Variants in ARK2C observed in about 807,000 individuals in gnomAD.
ARK2C encodes E3 ubiquitin-protein ligase ARK2C.
At chr18:46,350,264 C>T in the ARK2C span, among the ~76,000 whole-genome samples, 1 of 152,198 alleles carries the variant, frequency 6.6e-6, no homozygotes, top group Non-Finnish European at 1.5e-5. Context: ...CATGCGTATG[C>T]GTGTGTCCAC....
chr18:46,460,895 C>G, the ARK2C span: 1 of 152,572 alleles, frequency 6.6e-6, no homozygotes, highest in South Asian at 2.1e-4. Context: ...TCACTTGCTA[C>G]ACTTGGCACC....
the ARK2C span, among the ~76,000 whole-genome samples, chr18:46,421,959 C>T: frequency 6.6e-6 from 1 of 152,140 alleles, no homozygotes; most frequent in Non-Finnish European, 1.5e-5. Flanking sequence ...AGGCCCTTGG[C>T]ATACTCCATT....
At chr18:46,358,805 C>T in the ARK2C span, among the ~76,000 whole-genome samples, 7 of 152,330 alleles carry the variant, frequency 4.6e-5, no homozygotes, top group South Asian at 6.2e-4. Flanking sequence ...GAGTGACACA[C>T]GCCTTGGTCA....
At chr18:46,454,843 T>C in the ARK2C span, among the ~76,000 whole-genome samples, 2 of 152,210 alleles carry the variant, frequency 1.3e-5, no homozygotes, top group Non-Finnish European at 2.9e-5. Context: ...AAAGGTGGGC[T>C]GATTTCGCTC....
the ARK2C span, chr18:46,337,059 C>T: frequency 1.0e-6 from 1 of 985,206 alleles, no homozygotes; most frequent in Admixed American, 6.2e-5. Context: ...GCCCCTTTAA[C>T]AGCCGGCTCC....
At chr18:46,377,947 T>C in the ARK2C span, among the ~76,000 whole-genome samples, 1 of 151,720 alleles carries the variant, frequency 6.6e-6, no homozygotes. Flanking sequence ...AAGGCTGCTA[T>C]GGATGGTGGT....
the ARK2C span, chr18:46,458,172 G>C: frequency 4.6e-5 from 7 of 152,552 alleles, no homozygotes; most frequent in African/African-American, 1.7e-4. Context: ...GGGGTGTCGG[G>C]ATGGGGGTGC....
the ARK2C span, among the ~76,000 whole-genome samples, chr18:46,348,822 C>A: frequency 6.6e-6 from 1 of 152,104 alleles, no homozygotes; most frequent in Admixed American, 6.5e-5. Context: ...GTAAGTCCTG[C>A]AACCAAGAGA....
the ARK2C span, among the ~76,000 whole-genome samples, chr18:46,345,214 T>C: frequency 6.6e-6 from 1 of 151,328 alleles, no homozygotes; most frequent in Non-Finnish European, 1.5e-5. Context: ...ACCTGAAGAG[T>C]CCAGCCCTCT....
At chr18:46,416,196 G>T in the ARK2C span, among the ~76,000 whole-genome samples, 2 of 152,176 alleles carry the variant, frequency 1.3e-5, no homozygotes, top group African/African-American at 4.8e-5. Context: ...GGAAACACAC[G>T]GATCTGCAGG....
At chr18:46,385,484 C>A in the ARK2C span, among the ~76,000 whole-genome samples, 17 of 152,184 alleles carry the variant, frequency 1.1e-4, no homozygotes, top group Non-Finnish European at 2.1e-4. Flanking sequence ...GCTTTTCTAG[C>A]GTGGCTCTAC....
chr18:46,375,101 T>C, the ARK2C span, among the ~76,000 whole-genome samples: 1 of 152,126 alleles, frequency 6.6e-6, no homozygotes, highest in Non-Finnish European at 1.5e-5. Flanking sequence ...CAGGCAGGCT[T>C]TATCTGCATC....
At chr18:46,404,385 GTATTAAGCACC>G in the ARK2C span, among the ~76,000 whole-genome samples, 1 of 152,140 alleles carries the variant, frequency 6.6e-6, no homozygotes, top group Non-Finnish European at 1.5e-5. Context: ...ACATGAGCAG[GTATTAAGCACC>G]TTTTTCGTGT....
chr18:46,428,353 G>A, the ARK2C span, among the ~76,000 whole-genome samples: 3 of 152,210 alleles, frequency 2.0e-5, no homozygotes, highest in African/African-American at 7.2e-5. Context: ...AGATTGCAGT[G>A]AGCTGAGATC....
chr18:46,399,915 G>A, the ARK2C span, among the ~76,000 whole-genome samples: 2 of 152,186 alleles, frequency 1.3e-5, no homozygotes, highest in African/African-American at 4.8e-5. Context: ...CTTTTCCAAA[G>A]CACTTCAGTG....
At chr18:46,433,622 G>A in the ARK2C span, 11 of 902,064 alleles carry the variant, frequency 1.2e-5, no homozygotes, top group South Asian at 1.8e-5. Context: ...AGACGGGGGC[G>A]GGGCTACAGG....
chr18:46,410,813 C>T, the ARK2C span, among the ~76,000 whole-genome samples: 17 of 152,202 alleles, frequency 1.1e-4, no homozygotes, highest in African/African-American at 3.9e-4. Flanking sequence ...ATCGTTTCTT[C>T]AATTGTCCAG....
the ARK2C span, among the ~76,000 whole-genome samples, chr18:46,449,011 C>T: frequency 6.6e-6 from 1 of 152,098 alleles, no homozygotes; most frequent in African/African-American, 2.4e-5. Context: ...GTATGAAGCA[C>T]CATCTCTTAG....
chr18:46,408,018 A>C, the ARK2C span, among the ~76,000 whole-genome samples: 1 of 152,224 alleles, frequency 6.6e-6, no homozygotes, highest in Middle Eastern at 3.2e-3. Context: ...CAGTTTGGAC[A>C]TCATGGATGG....
Sources: gnomAD v4.1 joint callset for allele counts (sites outside exome capture counted in the v4.1 genomes callset) on GRCh38, gnomAD v4.1.1 for gene constraint, MANE v1.5 for transcripts, NCBI Gene and HGNC (gene_info 2026-07-23, HGNC 2026-07-21) for gene names.